TGFB3: variants seen among roughly 807,000 people sequenced by gnomAD.
TGFB3 encodes the protein transforming growth factor beta-3 proprotein.
TGFB3 carries 5 observed loss-of-function variants against 40.1 expected under a neutral mutation model. The observed-to-expected ratio is 0.12, with a 90% confidence interval of 0.07 to 0.26. The LOEUF (loss-of-function observed/expected upper bound fraction) is 0.26, where lower values mean the gene tolerates loss of function less well. Ranked by LOEUF, TGFB3 falls within the 10% of genes least tolerant of loss-of-function variation. The pLI, the probability that TGFB3 is intolerant of heterozygous loss-of-function variation, is 1.00. For synonymous variants in TGFB3, 184 were observed against 205.6 expected (o/e 0.89, Z 0.90); for missense variants, 373 against 530.1 (o/e 0.70, Z 2.91).
chr14:75,960,714 G>C (rs369286641), intron 6 of TGFB3: 1 of 637,434 alleles, frequency 1.6e-6, no homozygotes, highest in South Asian at 1.9e-5. Flanking sequence ...TTAAAAAGCT[G>C]GTTGAAACTA....
intron 1 of TGFB3, among the ~76,000 whole-genome samples, chr14:75,972,673 GC>G (rs1386738716): frequency 1.3e-5 from 2 of 152,180 alleles, no homozygotes; most frequent in South Asian, 2.1e-4. Flanking sequence ...AGTAAGAGGG[GC>G]CCGAAACAGC....
chr14:75,965,974 T>A, intron 3 of TGFB3: 1 of 452,648 alleles, frequency 2.2e-6, no homozygotes, highest in South Asian at 2.1e-5. Context: ...AATCATTCCC[T>A]TTGAAAGGAT....
chr14:75,962,480 G>C (rs979544438), intron 5 of TGFB3, among the ~76,000 whole-genome samples: 2 of 152,088 alleles, frequency 1.3e-5, no homozygotes, highest in African/African-American at 4.8e-5. Flanking sequence ...GTTCTCCCCA[G>C]CTTCATTTCG....
Position 75,980,467 on chromosome 14 carries a change from G to A in TGFB3, c.352+75C>T, listed in dbSNP as rs554046490. 13 of 1,464,822 alleles carry A rather than the reference G, an allele frequency of 8.9e-6. No individual in the cohort carries two copies. Among genetic ancestry groups the A allele is most frequent in the Admixed American group, 1.7e-5 (1 of 59,768 alleles). The allele number at this position is 1,464,822 out of a possible 1,614,324, so 90.7% of individuals were successfully genotyped here. A position where few individuals can be genotyped will look rare whatever the true frequency, so the allele number is the denominator to read the frequency against. ...GCACCCTGCTGTGTGGCCAGCACTA[G>A]GCCCCCCTCTGCAGAGCTCCCAGCT... On this transcript the variant is annotated intron_variant, in intron 1 of 6. Coordinates refer to ENST00000238682, the MANE Select transcript of TGFB3 (RefSeq NM_003239.5). The surrounding 1 kb of genome is among the most constrained non-coding windows in gnomAD (Gnocchi z 4.3).
chr14:75,961,177 A>C, intron 5 of TGFB3, 101 bp from the exon 6 acceptor site: 4 of 1,378,052 alleles, frequency 2.9e-6, no homozygotes, highest in Non-Finnish European at 4.0e-6. Flanking sequence ...TCATGCCATC[A>C]TAGGTGGCTC....
In TGFB3 at chr14:75,963,463, C is replaced by T. The variant is rs2140238325; in HGVS notation, c.779G>A (p.Gly260Asp). The change falls in exon 5 of 7, where the codon GGC (glycine) becomes GAC (aspartate). Residue 260 changes from glycine (G) to aspartate (D), a missense_variant. By Grantham distance (94) the Gly-to-Asp change is moderately conservative. Coordinates refer to ENST00000238682, the MANE Select transcript of TGFB3 (RefSeq NM_003239.5). ...FKGVDNEDDH[G>D]RGDLGRLKKQ... ...CTTGAGGCGCCCCAGATCTCCACGG[C>T]CATGGTCATCCTCATTGTCCACGCC... The T allele has an allele frequency of 6.2e-7, 1 of 1,614,182 alleles. No individual in the cohort carries two copies. The highest frequency in any genetic ancestry group is 8.5e-7 in the Non-Finnish European group (1 of 1,180,034).
intron 3 of TGFB3, among the ~76,000 whole-genome samples, chr14:75,968,388 A>T (rs2035246625): frequency 6.7e-6 from 1 of 148,948 alleles, no homozygotes; most frequent in African/African-American, 2.4e-5. Flanking sequence ...CTAACCTCAG[A>T]ATTGGCAGCT....
Position 75,979,177 on chromosome 14 carries a change from G to C in TGFB3, c.352+1365C>G, listed in dbSNP as rs774738238. On this transcript the variant is annotated intron_variant, in intron 1 of 6. Transcript: ENST00000238682. The surrounding 1 kb of genome is among the most constrained non-coding windows in gnomAD (Gnocchi z 4.8). The stretch of plus-strand genomic sequence containing the variant: ...CCAGGCAGCCACAGGAAGCTGGAGC[G>C]GGAACCCCTCGCCAGTAACCACAGG... Among the ~76,000 whole-genome samples the C allele has an allele frequency of 6.6e-6, 1 of 152,104 alleles. No individual in the cohort carries two copies. The highest frequency in any genetic ancestry group is 1.5e-5 in the Non-Finnish European group (1 of 68,004).
Position 75,965,702 on chromosome 14 carries a change from A to C in TGFB3, c.647-7T>G, listed in dbSNP as rs749087757. 6.2e-7 allele frequency: 1 copy of C among 1,608,834 alleles called. No individual in the cohort carries two copies. Among genetic ancestry groups the C allele is most frequent in the Non-Finnish European group, 8.5e-7 (1 of 1,175,160 alleles). On this transcript the variant is annotated splice_region_variant and splice_polypyrimidine_tract_variant and intron_variant, in intron 3 of 6. Coordinates refer to ENST00000238682, the MANE Select transcript of TGFB3 (RefSeq NM_003239.5). ...TCTAGACCTAAGTTGGACTCTGCAA[A>C]ATAAGACAGAATTAGTGAGAAAAGC...
Position 75,959,150 on chromosome 14 carries a change from T to A in TGFB3, c.*37A>T. The A allele has an allele frequency of 6.2e-7, 1 of 1,613,758 alleles. No homozygotes were observed. Among genetic ancestry groups the A allele is most frequent in the Non-Finnish European group, 8.5e-7 (1 of 1,179,784 alleles). On this transcript the variant is annotated 3_prime_UTR_variant, in exon 7 of 7. Transcript: ENST00000238682. ...CGAGGAGCGGGCAGTCAGGCAGTGGTGGTTCTCTCTCCCCTCTCTCTGTCG... is the reference window on the plus strand; with the variant it reads ...CGAGGAGCGGGCAGTCAGGCAGTGGAGGTTCTCTCTCCCCTCTCTCTGTCG...
At chr14:75,977,374 C>A (rs956947521) in intron 1 of TGFB3, among the ~76,000 whole-genome samples, 7 of 152,190 alleles carry the variant, frequency 4.6e-5, no homozygotes, top group Non-Finnish European at 1.0e-4. Flanking sequence ...TCTACTCCCT[C>A]CCGACAGTAA....
chr14:75,970,411 T>C (rs765163596), intron 3 of TGFB3, among the ~76,000 whole-genome samples: 98 of 151,854 alleles, frequency 6.5e-4, no homozygotes, highest in African/African-American at 2.2e-3. Context: ...TACAAAAAAA[T>C]TAGCCAGGTG....
In TGFB3 at chr14:75,965,049, C is replaced by T. The variant is rs926029796; in HGVS notation, c.754+539G>A. ...ACTCTCAACGACTTCGCCATCTCTA[C>T]CCAAACACCCCGGGGACAAACACCC... On this transcript the variant is annotated intron_variant, in intron 4 of 6. Transcript: ENST00000238682. 2.0e-5 allele frequency among the ~76,000 whole-genome samples: 3 copies of T among 152,324 alleles called. No homozygotes were observed. In the East Asian group the frequency reaches 5.8e-4, roughly 29 times the overall value.
At chr14:75,959,847 T>C (rs1252622392) in intron 6 of TGFB3, among the ~76,000 whole-genome samples, 1 of 148,544 alleles carries the variant, frequency 6.7e-6, no homozygotes, top group African/African-American at 2.5e-5. Context: ...TCATCCACAA[T>C]GACAGAAGCA....
intron 1 of TGFB3, among the ~76,000 whole-genome samples, chr14:75,975,668 A>G (rs917474591): frequency 3.9e-5 from 6 of 152,242 alleles, no homozygotes; most frequent in Non-Finnish European, 7.3e-5. Context: ...AGGTCACATA[A>G]CTAGAAGGTG....
Position 75,959,007 on chromosome 14 carries a change from T to C in TGFB3, c.*180A>G, listed in dbSNP as rs1168416785. On this transcript the variant is annotated 3_prime_UTR_variant, in exon 7 of 7. Coordinates refer to ENST00000238682, the MANE Select transcript of TGFB3 (RefSeq NM_003239.5). The stretch of plus-strand genomic sequence containing the variant: ...CCCACACTTTCTTTACCACCGTGAT[T>C]CTCAGAGCCAGCAAGAAAGAAATGT... 3 of 750,686 alleles carry C rather than the reference T, an allele frequency of 4.0e-6. No individual in the cohort carries two copies. The African/African-American group carries it at 5.2e-5, about 13-fold the overall frequency. 46.5% of individuals were successfully genotyped at this position (750,686 alleles called of 1,614,324 possible).
rs2035405127 is a variant in TGFB3, at chr14:75,980,047, C to A, written c.352+495G>T. Among the ~76,000 whole-genome samples, 1 of 152,156 alleles carries A rather than the reference C, an allele frequency of 6.6e-6. No homozygotes were observed. The highest frequency in any genetic ancestry group is 1.5e-5 in the Non-Finnish European group (1 of 68,024). On this transcript the variant is annotated intron_variant, in intron 1 of 6. Transcript: ENST00000238682. The surrounding 1 kb of genome is among the most constrained non-coding windows in gnomAD (Gnocchi z 4.3). ...AAGCTTGACAGACATTAATTTGGGG[C>A]AGGTATTCTTCTTCCCAAGAACTGG...
chr14:75,974,022 C>A (rs1304640306), intron 1 of TGFB3, among the ~76,000 whole-genome samples: 1 of 152,046 alleles, frequency 6.6e-6, no homozygotes, highest in African/African-American at 2.4e-5. Context: ...TGCCTGTAAT[C>A]CCAGCTACTG....
intron 1 of TGFB3, among the ~76,000 whole-genome samples, chr14:75,975,166 G>T (rs761955122): frequency 3.3e-5 from 5 of 152,010 alleles, no homozygotes; most frequent in African/African-American, 1.2e-4. Flanking sequence ...TCAGGAGTTC[G>T]AGACCAGCCT....
Sources: allele counts gnomAD v4.1 joint callset (sites outside exome capture counted in the v4.1 genomes callset), GRCh38; gene constraint gnomAD v4.1.1; non-coding constraint Gnocchi (gnomAD v3.1); transcripts MANE v1.5; gene names NCBI Gene and HGNC (gene_info 2026-07-23, HGNC 2026-07-21).